The following MAP3K5 variants were observed in gnomAD, a reference collection of about 807,000 sequenced individuals.
MAP3K5 encodes the protein mitogen-activated protein kinase kinase kinase 5, also known as ASK-1.
Under a neutral mutation model 158.7 loss-of-function variants are expected in MAP3K5, and 56 were observed. That is an observed-to-expected ratio of 0.35 (90% CI 0.28 to 0.44). The LOEUF is 0.44. MAP3K5 is among the 20% of genes least tolerant of loss of function. MAP3K5 has a pLI of 1.00. For synonymous variants in MAP3K5, 579 were observed against 601.7 expected, an observed-to-expected ratio of 0.96 and a Z score of 0.55; for missense variants, 1,294 against 1,674.8, an observed-to-expected ratio of 0.77 and a Z score of 3.97.
chr6:136,792,330 C>G lies in MAP3K5; in HGVS notation c.-173G>C. The G allele has an allele frequency of 9.9e-7, 1 of 1,007,152 alleles. No homozygotes were observed. Among genetic ancestry groups the G allele is most frequent in the Non-Finnish European group, 1.2e-6 (1 of 848,504 alleles). The allele number at this position is 1,007,152 out of a possible 1,614,324, so 62.4% of individuals were successfully genotyped here. A position where few individuals can be genotyped will look rare whatever the true frequency, so the allele number is the denominator to read the frequency against. On this transcript the variant is annotated 5_prime_UTR_variant, in exon 1 of 30. Coordinates refer to ENST00000359015, the MANE Select transcript of MAP3K5 (RefSeq NM_005923.4). This position sits in a 1 kb window ranked among gnomAD's most constrained non-coding sequence, Gnocchi z 5.7. ...CGGCGCCCTCTCCCCCGAGGGCACGCCGCTGCCCGGCGGCGGCTCGCTCCT... is the reference window on the plus strand; with the variant it reads ...CGGCGCCCTCTCCCCCGAGGGCACGGCGCTGCCCGGCGGCGGCTCGCTCCT...
At chr6:136,685,906 C>T (rs565893267) in intron 7 of MAP3K5, among the ~76,000 whole-genome samples, 2 of 152,304 alleles carry the variant, frequency 1.3e-5, no homozygotes, top group Admixed American at 1.3e-4. Flanking sequence ...AGCACCTTGA[C>T]AGGGCAGGTT....
At chr6:136,763,474 C>CAGTA (rs1205587291) in intron 1 of MAP3K5, among the ~76,000 whole-genome samples, 6 of 152,084 alleles carry the variant, frequency 3.9e-5, no homozygotes, top group African/African-American at 1.4e-4. Flanking sequence ...GTCTCAGGTG[C>CAGTA]AGTATTCTGA....
In MAP3K5 at chr6:136,557,578, T is replaced by C; in HGVS notation, c.*180A>G. ...GAAGAGTCCTTAAAAATTATAGAAATAGATGTAGTTAGGAAATTTCAGTGT... is the reference window on the plus strand; with the variant it reads ...GAAGAGTCCTTAAAAATTATAGAAACAGATGTAGTTAGGAAATTTCAGTGT... On this transcript the variant is annotated 3_prime_UTR_variant, in exon 30 of 30. Transcript: ENST00000359015. 7.3e-6 allele frequency: 4 copies of C among 545,574 alleles called. No individual in the cohort carries two copies. The highest frequency in any genetic ancestry group is 1.3e-5 in the Non-Finnish European group (4 of 307,134). The allele number at this position is 545,574 out of a possible 1,614,324, so 33.8% of individuals were successfully genotyped here.
chr6:136,704,309 G>A (rs1780978425), intron 3 of MAP3K5, among the ~76,000 whole-genome samples: 1 of 152,132 alleles, frequency 6.6e-6, no homozygotes, highest in Non-Finnish European at 1.5e-5. Context: ...TACAGACACT[G>A]GAGAGACGAT....
chr6:136,583,612 G>A lies in MAP3K5; in HGVS notation c.3354C>T (p.Asp1118=). 6.2e-7 allele frequency: 1 copy of A among 1,614,224 alleles called. No individual in the cohort carries two copies. The highest frequency in any genetic ancestry group is 8.5e-7 in the Non-Finnish European group (1 of 1,180,042). Residue 1118 remains aspartate (D), a synonymous_variant, in exon 24 of 30, where the codon GAC becomes GAT. Coordinates refer to ENST00000359015, the MANE Select transcript of MAP3K5 (RefSeq NM_005923.4). ...TTLSKLKLEL[D]FDSHGISQVQ... ...CTTGGCTAATGCCATGGCTGTCGAAGTCCAGCTCCAGTTTCAGCTTTGACA... is the reference window on the plus strand; with the variant it reads ...CTTGGCTAATGCCATGGCTGTCGAAATCCAGCTCCAGTTTCAGCTTTGACA...
intron 2 of MAP3K5, among the ~76,000 whole-genome samples, chr6:136,712,356 T>C (rs575245068): frequency 1.3e-5 from 2 of 151,384 alleles, no homozygotes; most frequent in Non-Finnish European, 2.9e-5. Flanking sequence ...CTAATTTTTG[T>C]AGAAACTGGG....
At chr6:136,612,460 T>C (rs1391762516) in intron 17 of MAP3K5, among the ~76,000 whole-genome samples, 1 of 152,226 alleles carries the variant, frequency 6.6e-6, no homozygotes, top group Non-Finnish European at 1.5e-5. Flanking sequence ...CTTTCTTTTC[T>C]ATGTTTCTTT....
intron 7 of MAP3K5, among the ~76,000 whole-genome samples, chr6:136,670,082 T>C (rs754962134): frequency 4.6e-5 from 7 of 152,104 alleles, no homozygotes; most frequent in Non-Finnish European, 7.4e-5. Context: ...TAGGATGAAA[T>C]TAAGAAAAGC....
chr6:136,627,557 G>C (rs73556270), intron 14 of MAP3K5, among the ~76,000 whole-genome samples: 6,189 of 152,238 alleles, frequency 0.041, 430 homozygotes, highest in African/African-American at 0.14. Flanking sequence ...AATGTATTAA[G>C]AGTTAGGCCC....
rs1278673422 is a variant in MAP3K5, at chr6:136,571,305, C to G, written c.3518-3431G>C. On this transcript the variant is annotated intron_variant, in intron 25 of 29. Transcript: ENST00000359015. Reference sequence around the variant, plus strand: ...ATTCTTCTTGGTCACGGGACAAGAACCCAGAACTCACTGAACTGTGGGAGT... The same window carrying G: ...ATTCTTCTTGGTCACGGGACAAGAAGCCAGAACTCACTGAACTGTGGGAGT... Among the ~76,000 whole-genome samples the G allele has an allele frequency of 2.0e-5, 3 of 152,278 alleles. No individual in the cohort carries two copies. In the South Asian group the frequency reaches 6.2e-4, roughly 32 times the overall value.
intron 8 of MAP3K5, among the ~76,000 whole-genome samples, chr6:136,665,083 A>G (rs1306038336): frequency 1.3e-5 from 2 of 152,160 alleles, no homozygotes; most frequent in African/African-American, 4.8e-5. Context: ...CTACAGGTAC[A>G]TTTGTTCCTT....
intron 7 of MAP3K5, among the ~76,000 whole-genome samples, chr6:136,684,998 A>G (rs1780086484): frequency 6.6e-6 from 1 of 152,150 alleles, no homozygotes; most frequent in African/African-American, 2.4e-5. Flanking sequence ...TTGCAACAAT[A>G]TACTGTAATT....
rs1213692394 is a variant in MAP3K5 at position 136,720,443 on chromosome 6, G to A, written c.588+7C>T. 4 of 1,584,684 alleles carry A rather than the reference G, an allele frequency of 2.5e-6. No homozygotes were observed. The highest frequency in any genetic ancestry group is 3.4e-6 in the Non-Finnish European group (4 of 1,167,358). On this transcript the variant is annotated splice_region_variant and intron_variant, in intron 2 of 29. Coordinates refer to ENST00000359015, the MANE Select transcript of MAP3K5 (RefSeq NM_005923.4). ...AAAATGAAACATTCAGTAAACAAGGGAGGTACCTTCAGTGACTGCAGAGAG... is the reference window on the plus strand; with the variant it reads ...AAAATGAAACATTCAGTAAACAAGGAAGGTACCTTCAGTGACTGCAGAGAG...
chr6:136,581,018 A>G (rs1230521122), intron 24 of MAP3K5, among the ~76,000 whole-genome samples: 2 of 152,136 alleles, frequency 1.3e-5, no homozygotes, highest in East Asian at 1.9e-4. Context: ...AGTGGCATTA[A>G]GTACATTCAC....
chr6:136,731,291 T>C (rs1470445209), intron 1 of MAP3K5, among the ~76,000 whole-genome samples: 1 of 152,228 alleles, frequency 6.6e-6, no homozygotes, highest in Non-Finnish European at 1.5e-5. Context: ...ATTAGTTTCC[T>C]GTGCCATTGT....
Position 136,631,264 on chromosome 6 carries a change from A to G in MAP3K5, c.2016+6061T>C, listed in dbSNP as rs180900983. On this transcript the variant is annotated intron_variant, in intron 14 of 29. Coordinates refer to ENST00000359015, the MANE Select transcript of MAP3K5 (RefSeq NM_005923.4). ...GAATGAATAACAAATTGATACTCAT[A>G]TCATACAACACTATAAGTGATGTAT... Among the ~76,000 whole-genome samples the G allele has an allele frequency of 2.7e-4, 41 of 152,366 alleles. 1 individual carries two copies. The highest frequency in any genetic ancestry group is 2.5e-3 in the Admixed American group (39 of 15,308).
intron 1 of MAP3K5, among the ~76,000 whole-genome samples, chr6:136,727,160 T>C (rs772666465): frequency 6.6e-6 from 1 of 152,190 alleles, no homozygotes; most frequent in Non-Finnish European, 1.5e-5. Context: ...TCCTAAGACA[T>C]ATTAAAAATA....
intron 15 of MAP3K5, among the ~76,000 whole-genome samples, chr6:136,616,930 C>T (rs1020564041): frequency 6.6e-6 from 1 of 151,534 alleles, no homozygotes; most frequent in Admixed American, 6.6e-5. Flanking sequence ...GTTGTCCAGG[C>T]TAGTCTCAAA....
intron 8 of MAP3K5, among the ~76,000 whole-genome samples, chr6:136,667,534 G>A (rs1366750476): frequency 2.0e-5 from 3 of 152,098 alleles, no homozygotes; most frequent in Non-Finnish European, 2.9e-5. Flanking sequence ...GCAGTGAGCC[G>A]TGATCGTGCC....
Sources: allele counts gnomAD v4.1 joint callset (sites outside exome capture counted in the v4.1 genomes callset), GRCh38; gene constraint gnomAD v4.1.1; non-coding constraint Gnocchi (gnomAD v3.1); transcripts MANE v1.5; gene names NCBI Gene and HGNC (gene_info 2026-07-23, HGNC 2026-07-21).